PCDH15: variants seen among roughly 807,000 people sequenced by gnomAD.
PCDH15 encodes the protein protocadherin-15.
PCDH15 carries 129 observed loss-of-function variants against 178.5 expected under a neutral mutation model. The ratio of observed to expected loss-of-function variants is 0.72; its 90% CI spans 0.63 to 0.84. The LOEUF (loss-of-function observed/expected upper bound fraction) is 0.84. Among genes scored for constraint, PCDH15 ranks in the 40% least tolerant of loss-of-function variants. PCDH15 has a pLI of 0.00. For missense variants in PCDH15, 2,230 were observed against 2,099.9 expected, an observed-to-expected ratio of 1.06 and a Z score of -1.21; for synonymous variants, 800 against 732.0, an observed-to-expected ratio of 1.09 and a Z score of -1.50.
At chr10:54,133,029 G>T (rs1237150625) in intron 14 of PCDH15, 22 bp from the exon 15 acceptor site, 1 of 1,613,834 alleles carries the variant, frequency 6.2e-7, no homozygotes. Context: ...GAGAGGAAAA[G>T]AAGATGGTTA....
intron 2 of PCDH15, among the ~76,000 whole-genome samples, chr10:55,419,077 GT>G (rs1413198155): frequency 6.6e-6 from 1 of 151,646 alleles, no homozygotes; most frequent in East Asian, 1.9e-4. Flanking sequence ...CTCTAAGTGG[GT>G]TTGTAAATTG....
intron 2 of PCDH15, among the ~76,000 whole-genome samples, chr10:55,333,327 G>C (rs1019787211): frequency 6.6e-6 from 1 of 151,990 alleles, no homozygotes; most frequent in Non-Finnish European, 1.5e-5. Flanking sequence ...GGTGAGACTG[G>C]CAAAACTCAA....
intron 2 of PCDH15, among the ~76,000 whole-genome samples, chr10:55,494,169 T>G (rs187072645): frequency 6.6e-6 from 1 of 151,808 alleles, no homozygotes; most frequent in East Asian, 1.9e-4. Flanking sequence ...TTCATTTTCT[T>G]GTCAATCTTC....
At chr10:55,222,288 G>A (rs1375298419) in intron 1 of PCDH15, among the ~76,000 whole-genome samples, 1 of 151,976 alleles carries the variant, frequency 6.6e-6, no homozygotes, top group African/African-American at 2.4e-5. Context: ...CCTCTCTGCA[G>A]TGATAGTCAT....
chr10:55,430,194 T>C (rs1248691792), intron 2 of PCDH15, among the ~76,000 whole-genome samples: 2 of 152,020 alleles, frequency 1.3e-5, no homozygotes, highest in African/African-American at 4.8e-5. Context: ...AGGAGGCACA[T>C]GTGGGAGGAT....
chr10:55,232,489 C>CT (rs1841255238), intron 1 of PCDH15, among the ~76,000 whole-genome samples: 1 of 152,018 alleles, frequency 6.6e-6, no homozygotes, highest in Non-Finnish European at 1.5e-5. Flanking sequence ...AAGAGGATCC[C>CT]TAACATTTCC....
chr10:54,946,713 T>C (rs1230195098), intron 2 of PCDH15, among the ~76,000 whole-genome samples: 3 of 151,892 alleles, frequency 2.0e-5, no homozygotes, highest in African/African-American at 7.2e-5. Flanking sequence ...TAATTTTCTC[T>C]AGTAAATTTA....
chr10:54,584,160 A>G (rs1590270752), intron 2 of PCDH15, among the ~76,000 whole-genome samples: 1 of 152,068 alleles, frequency 6.6e-6, no homozygotes. Context: ...GCTGAGGAGA[A>G]TGACTTGAGC....
intron 2 of PCDH15, among the ~76,000 whole-genome samples, chr10:55,505,589 T>C (rs549192526): frequency 4.6e-5 from 7 of 151,188 alleles, no homozygotes; most frequent in Non-Finnish European, 1.0e-4. Flanking sequence ...GTAAAGTCTG[T>C]CATCTAAGTT....
intron 2 of PCDH15, among the ~76,000 whole-genome samples, chr10:55,386,636 C>T (rs1837665557): frequency 6.6e-6 from 1 of 151,998 alleles, no homozygotes; most frequent in African/African-American, 2.4e-5. Flanking sequence ...TCTGAAATAA[C>T]TATCCAGCAT....
chr10:55,071,714 C>A (rs981335923), intron 2 of PCDH15, among the ~76,000 whole-genome samples: 3 of 152,130 alleles, frequency 2.0e-5, no homozygotes, highest in Non-Finnish European at 2.9e-5. Context: ...CAAGGATACC[C>A]AGGAATTGAA....
At chr10:53,925,773 C>T (rs1014806281) in intron 25 of PCDH15, among the ~76,000 whole-genome samples, 2 of 152,082 alleles carry the variant, frequency 1.3e-5, no homozygotes, top group Admixed American at 6.6e-5. Flanking sequence ...CAGATGTGTG[C>T]AAATTAAGTT....
chr10:54,948,188 C>T lies in PCDH15; in HGVS notation c.-79-50688G>A, dbSNP rs1032712859. Among the ~76,000 whole-genome samples the T allele has an allele frequency of 2.6e-5, 4 of 151,964 alleles. No individual in the cohort carries two copies. In the South Asian group the frequency reaches 6.2e-4, roughly 24 times the overall value. On this transcript the variant is annotated intron_variant, in intron 2 of 5. Transcript: ENST00000458638. ...ATTTGTAGTTCCAGTTTGAGTCTGA[C>T]AACCATTGTTATAAGTGGTATAAGT... is the stretch of plus-strand genomic sequence containing the variant.
At chr10:54,192,449 G>A (rs2049131279) in intron 11 of PCDH15, among the ~76,000 whole-genome samples, 1 of 152,060 alleles carries the variant, frequency 6.6e-6, no homozygotes, top group East Asian at 1.9e-4. Flanking sequence ...AAAATAGGAA[G>A]ATCTGGAAGA....
At chr10:53,837,463 T>A (rs1225986717) in intron 29 of PCDH15, among the ~76,000 whole-genome samples, 2 of 152,206 alleles carry the variant, frequency 1.3e-5, no homozygotes, top group Admixed American at 6.5e-5. Context: ...TATGCATTTA[T>A]GAGCTTTTTT....
At chr10:53,995,013 C>T (rs997330065) in intron 21 of PCDH15, 2 of 151,892 alleles carry the variant, frequency 1.3e-5, no homozygotes, top group Non-Finnish European at 2.9e-5. Context: ...AAATTTAAAT[C>T]ATCAGGATAA....
chr10:54,415,659 A>G (rs1286158484), intron 3 of PCDH15, among the ~76,000 whole-genome samples: 4 of 152,142 alleles, frequency 2.6e-5, no homozygotes, highest in Admixed American at 2.0e-4. Context: ...TATAAAATGT[A>G]TTATTACAAT....
chr10:54,624,132 T>A, intron 2 of PCDH15, among the ~76,000 whole-genome samples: 1 of 152,200 alleles, frequency 6.6e-6, no homozygotes, highest in East Asian at 1.9e-4. Context: ...ATTAGTTTTA[T>A]AATATTGTTT....
chr10:54,655,771 G>C (rs1358708137), intron 2 of PCDH15: 1 of 152,004 alleles, frequency 6.6e-6, no homozygotes, highest in Non-Finnish European at 1.5e-5. Flanking sequence ...GAGACACAAG[G>C]ATCCACAAGA....
Sources: allele counts gnomAD v4.1 joint callset (sites outside exome capture counted in the v4.1 genomes callset), GRCh38; gene constraint gnomAD v4.1.1; transcripts MANE v1.5; gene names NCBI Gene and HGNC (gene_info 2026-07-23, HGNC 2026-07-21).